PRKCA: variants seen among roughly 807,000 people sequenced by gnomAD.
PRKCA encodes protein kinase C alpha type.
Under a neutral mutation model 87.0 loss-of-function variants are expected in PRKCA, and 27 were observed. The ratio of observed to expected loss-of-function variants is 0.31; its 90% confidence interval spans 0.23 to 0.43. The LOEUF is 0.43. PRKCA is among the 20% of genes least tolerant of loss of function. The probability of loss-of-function intolerance (pLI) is 1.00; values close to 1 mark genes in which losing one functional copy is unlikely to be tolerated. For synonymous variants in PRKCA, 329 were observed against 311.1 expected, an observed-to-expected ratio of 1.06 and a Z score of -0.61; for missense variants, 518 against 852.3, an observed-to-expected ratio of 0.61 and a Z score of 4.88.
intron 8 of PRKCA, among the ~76,000 whole-genome samples, chr17:66,700,965 A>G (rs900137038): frequency 6.6e-6 from 1 of 152,286 alleles, no homozygotes; most frequent in Admixed American, 6.5e-5. Flanking sequence ...CAGAATTCGT[A>G]TGAAGCCACA....
intron 5 of PRKCA, among the ~76,000 whole-genome samples, chr17:66,664,705 GGGCAGTGTTGCGAT>G (rs1170736911): frequency 1.5e-4 from 22 of 145,186 alleles, no homozygotes; most frequent in African/African-American, 5.8e-4. Flanking sequence ...TCAGGCTGGA[GGGCAGTGTTGCGAT>G]CATAGCTCAC....
chr17:66,446,241 AC>A, intron 2 of PRKCA, among the ~76,000 whole-genome samples: 1 of 56,146 alleles, frequency 1.8e-5, no homozygotes, highest in Admixed American at 1.8e-4. Context: ...TCTTCCCAAC[AC>A]ACACACACAC....
At chr17:66,575,656 T>C (rs1969218551) in intron 3 of PRKCA, among the ~76,000 whole-genome samples, 2 of 152,294 alleles carry the variant, frequency 1.3e-5, no homozygotes, top group African/African-American at 2.4e-5. Context: ...TAATTGAAAC[T>C]GGAAAACAAA....
chr17:66,620,778 G>A (rs1425552382), intron 3 of PRKCA, among the ~76,000 whole-genome samples: 1 of 152,164 alleles, frequency 6.6e-6, no homozygotes, highest in Non-Finnish European at 1.5e-5. Context: ...TGTATCTGGA[G>A]GGCCAAAATT....
chr17:66,805,219 G>T lies in PRKCA; in HGVS notation c.*1182G>T. ...AATCAGGAAACCCGGATGCCTAACA[G>T]CTCAAAGATGTTTTGTTAATAGAAG... On this transcript the variant is annotated 3_prime_UTR_variant, in exon 17 of 17. Coordinates refer to ENST00000413366, the MANE Select transcript of PRKCA (RefSeq NM_002737.3). The T allele has an allele frequency of 2.3e-6, 2 of 855,130 alleles. No homozygotes were observed. The highest frequency in any genetic ancestry group is 2.8e-6 in the Non-Finnish European group (2 of 711,386). 53.0% of individuals were successfully genotyped at this position (855,130 alleles called of 1,614,324 possible).
At chr17:66,651,334 T>C (rs1218295522) in intron 5 of PRKCA, among the ~76,000 whole-genome samples, 1 of 152,190 alleles carries the variant, frequency 6.6e-6, no homozygotes, top group Non-Finnish European at 1.5e-5. Flanking sequence ...AATATTTCTT[T>C]TTAAAACAGG....
chr17:66,374,798 G>A (rs1021474561), intron 2 of PRKCA, among the ~76,000 whole-genome samples: 1 of 148,944 alleles, frequency 6.7e-6, no homozygotes, highest in Admixed American at 6.8e-5. Context: ...CTTGATCTTG[G>A]CTCACTGCAA....
intron 2 of PRKCA, among the ~76,000 whole-genome samples, chr17:66,449,561 C>G (rs1421671156): frequency 6.6e-6 from 1 of 152,188 alleles, no homozygotes; most frequent in Admixed American, 6.5e-5. Flanking sequence ...ATCCCTAGCA[C>G]AGCACTAAAT....
intron 2 of PRKCA, among the ~76,000 whole-genome samples, chr17:66,473,928 G>A (rs979064669): frequency 3.3e-5 from 5 of 151,902 alleles, no homozygotes; most frequent in Non-Finnish European, 7.4e-5. Flanking sequence ...CAACAAGAGT[G>A]AAACTCCATC....
At chr17:66,489,213 A>T (rs1333848280) in intron 2 of PRKCA, among the ~76,000 whole-genome samples, 5 of 151,806 alleles carry the variant, frequency 3.3e-5, no homozygotes, top group Non-Finnish European at 7.4e-5. Flanking sequence ...TTCTTCATTA[A>T]TTTTGGATAA....
At chr17:66,480,244 A>C (rs986967403) in intron 2 of PRKCA, among the ~76,000 whole-genome samples, 9 of 152,038 alleles carry the variant, frequency 5.9e-5, no homozygotes, top group African/African-American at 2.2e-4. Context: ...ACTGTTACCC[A>C]TGGGCATTAG....
At chr17:66,743,195 G>A (rs948401042) in intron 13 of PRKCA, among the ~76,000 whole-genome samples, 4 of 152,160 alleles carry the variant, frequency 2.6e-5, no homozygotes, top group East Asian at 1.9e-4. Context: ...GGATGGTGGT[G>A]CACACCTGTA....
intron 2 of PRKCA, among the ~76,000 whole-genome samples, chr17:66,417,522 C>T (rs970994618): frequency 6.6e-6 from 1 of 152,062 alleles, no homozygotes; most frequent in African/African-American, 2.4e-5. Context: ...CTTGCATTCT[C>T]TCTCTGGAAT....
intron 2 of PRKCA, among the ~76,000 whole-genome samples, chr17:66,404,719 G>T (rs1911247392): frequency 1.4e-5 from 2 of 143,382 alleles, no homozygotes; most frequent in Non-Finnish European, 3.0e-5. Context: ...CTCCCATGCT[G>T]GCTGCTGGAA....
intron 3 of PRKCA, among the ~76,000 whole-genome samples, chr17:66,589,083 G>A (rs929149701): frequency 1.3e-4 from 20 of 152,034 alleles, no homozygotes; most frequent in Non-Finnish European, 2.5e-4. Context: ...CCAGATGAAC[G>A]TGAAGTCTGC....
rs1221184147 is a variant in PRKCA at position 66,569,917 on chromosome 17, C to T, written c.289-71438C>T. Among the ~76,000 whole-genome samples, 7 of 152,154 alleles carry T rather than the reference C, an allele frequency of 4.6e-5. No individual in the cohort carries two copies. The East Asian group carries it at 1.3e-3, about 29-fold the overall frequency. On this transcript the variant is annotated intron_variant, in intron 3 of 16. Coordinates refer to ENST00000413366, the MANE Select transcript of PRKCA (RefSeq NM_002737.3). ...CTCGTAGGTGGATCCCCAAAAGAAACATGCATGTGTACCCCAAAAGTCATG... is the reference window on the plus strand; with the variant it reads ...CTCGTAGGTGGATCCCCAAAAGAAATATGCATGTGTACCCCAAAAGTCATG...
chr17:66,544,633 C>T (rs1045267854), intron 3 of PRKCA, among the ~76,000 whole-genome samples: 2 of 152,156 alleles, frequency 1.3e-5, no homozygotes, highest in Non-Finnish European at 1.5e-5. Flanking sequence ...TGCTTTGTCA[C>T]CCAGGCTGGA....
intron 2 of PRKCA, among the ~76,000 whole-genome samples, chr17:66,361,314 G>C (rs1908376627): frequency 8.8e-6 from 1 of 114,006 alleles, no homozygotes; most frequent in Admixed American, 9.1e-5. Context: ...GCATACATTA[G>C]ATTTTTTTTT....
intron 3 of PRKCA, among the ~76,000 whole-genome samples, chr17:66,529,786 T>A (rs1266207343): frequency 6.6e-6 from 1 of 152,226 alleles, no homozygotes; most frequent in East Asian, 1.9e-4. Flanking sequence ...CCCTGAGTAC[T>A]GTGGCTCATG....
Sources: gnomAD v4.1 joint callset for allele counts (sites outside exome capture counted in the v4.1 genomes callset) on GRCh38, gnomAD v4.1.1 for gene constraint, MANE v1.5 for transcripts, NCBI Gene and HGNC (gene_info 2026-07-23, HGNC 2026-07-21) for gene names.